The following IRS2 variants were observed in gnomAD, a reference collection of about 807,000 sequenced individuals.
IRS2 encodes the protein insulin receptor substrate 2.
A neutral mutation model predicts 70.9 loss-of-function variants in IRS2; 28 were observed. That is an observed-to-expected ratio of 0.39 (90% CI 0.29 to 0.54). The LOEUF is 0.54. IRS2 is among the 20% of genes least tolerant of loss of function. The pLI is 0.59. For synonymous variants in IRS2, 1,217 were observed against 981.9 expected (o/e 1.24, Z -4.48); for missense variants, 2,081 against 2,024.1 (o/e 1.03, Z -0.54).
chr13:109,783,929 C>G lies in IRS2; in HGVS notation c.2125G>C (p.Gly709Arg), dbSNP rs764963322. The change falls in exon 1 of 2, where the codon GGG becomes CGG. Residue 709 changes from glycine to arginine, a missense_variant. By Grantham distance (125) the Gly-to-Arg change is moderately radical. This residue lies in a region of IRS2 where 1,615 missense variants were observed against 1,459.5 expected (regional missense o/e 1.11). Coordinates refer to ENST00000375856, the MANE Select transcript of IRS2 (RefSeq NM_003749.3). ...CCCGCCGCAGAGGTGGGTGCTGGCCCCGCAGGCCCCGCAGAAGGCACGGCG... is the reference window on the plus strand; with the variant it reads ...CCCGCCGCAGAGGTGGGTGCTGGCCGCGCAGGCCCCGCAGAAGGCACGGCG... ...AAAVPSAGPA[G>R]PAPTSAAGRT... 1.3e-6 allele frequency: 2 copies of G among 1,539,458 alleles called. No individual in the cohort carries two copies. Among genetic ancestry groups the G allele is most frequent in the South Asian group, 2.4e-5 (2 of 83,800 alleles).
At chr13:109,772,401 C>T (rs1277921565) in intron 1 of IRS2, among the ~76,000 whole-genome samples, 2 of 152,212 alleles carry the variant, frequency 1.3e-5, no homozygotes, top group African/African-American at 4.8e-5. Flanking sequence ...TTGGTGGGTG[C>T]TCAACAAACC....
At chr13:109,774,628 G>C (rs944794668) in intron 1 of IRS2, among the ~76,000 whole-genome samples, 1 of 152,100 alleles carries the variant, frequency 6.6e-6, no homozygotes, top group African/African-American at 2.4e-5. Flanking sequence ...GGGATACCAA[G>C]ATGTTATGAG....
At chr13:109,763,076 G>C (rs571651032) in intron 1 of IRS2, among the ~76,000 whole-genome samples, 135 of 152,314 alleles carry the variant, frequency 8.9e-4, no homozygotes, top group Non-Finnish European at 1.5e-3. Flanking sequence ...CTGTGACAGA[G>C]ACTGCATGGC....
rs2138936074 is a variant in IRS2 at position 109,784,519 on chromosome 13, G to C, written c.1535C>G (p.Ala512Gly). Residue 512 changes from alanine (A) to glycine (G), a missense_variant, in exon 1 of 2, where the codon GCC becomes GGC. Physicochemically the swap from Ala to Gly is moderately conservative, Grantham distance 60. Transcript: ENST00000375856. This position sits in a 1 kb window ranked among gnomAD's most constrained non-coding sequence, Gnocchi z 5.2. ...EYGSSPGDLR[A>G]FCSHRSNTPE... ...CGTGTTGCTTCGGTGGCTGCAGAAG[G>C]CGCGCAGGTCGCCTGGGCTGGAGCC... 1 of 1,537,092 alleles carries C rather than the reference G, an allele frequency of 6.5e-7. No homozygotes were observed. Among genetic ancestry groups the C allele is most frequent in the Non-Finnish European group, 8.7e-7 (1 of 1,144,006 alleles).
intron 1 of IRS2, among the ~76,000 whole-genome samples, chr13:109,770,362 C>T (rs904635347): frequency 1.3e-5 from 2 of 152,186 alleles, no homozygotes; most frequent in African/African-American, 4.8e-5. Flanking sequence ...AATGAAGTAC[C>T]AGGAGAGCTT....
intron 1 of IRS2, among the ~76,000 whole-genome samples, chr13:109,781,702 GCC>G (rs1428166907): frequency 6.6e-6 from 1 of 152,264 alleles, no homozygotes; most frequent in African/African-American, 2.4e-5. Context: ...ACAGTCGGGT[GCC>G]CCGCGGCCTC....
rs1295086881 is a variant in IRS2, at chr13:109,782,289, G to T, written c.3765C>A (p.Ala1255=). ...GCCCGGGCTCCTCCCTCACGTCGAT[G>T]GCGATGTAGTTGAGACCATTCTGGA... ...AGFQNGLNYI[A]IDVREEPGLP... The change falls in exon 1 of 2, where the codon GCC becomes GCA. Residue 1255 remains alanine (A), a synonymous_variant. Coordinates refer to ENST00000375856, the MANE Select transcript of IRS2 (RefSeq NM_003749.3). The T allele has an allele frequency of 6.2e-7, 1 of 1,611,440 alleles. No individual in the cohort carries two copies. Among genetic ancestry groups the T allele is most frequent in the East Asian group, 2.2e-5 (1 of 44,812 alleles).
Position 109,784,144 on chromosome 13 carries a change from A to T in IRS2, c.1910T>A (p.Ile637Asn). The T allele has an allele frequency of 6.3e-7, 1 of 1,592,762 alleles. No individual in the cohort carries two copies. The highest frequency in any genetic ancestry group is 1.3e-5 in the African/African-American group (1 of 74,814). The part of the protein sequence containing the change: ...PYPEDYGDIE[I>N]GSHRSSSSNL... The stretch of plus-strand genomic sequence containing the variant: ...GCTGCTGGAGCTCCTGTGGGAGCCG[A>T]TCTCGATGTCTCCGTAGTCCTCTGG... Residue 637 changes from isoleucine to asparagine, a missense_variant, in exon 1 of 2, where the codon ATC (isoleucine) becomes AAC (asparagine). By Grantham distance (149) the Ile-to-Asn change is moderately radical. Around this residue, in one of 4 missense-constraint regions of IRS2, gnomAD observed 1,615 missense variants for 1,459.5 expected, o/e 1.11. Transcript: ENST00000375856. The surrounding 1 kb of genome is among the most constrained non-coding windows in gnomAD (Gnocchi z 5.2).
intron 1 of IRS2, among the ~76,000 whole-genome samples, chr13:109,769,247 G>A (rs1304651899): frequency 6.6e-6 from 1 of 152,186 alleles, no homozygotes; most frequent in Non-Finnish European, 1.5e-5. Context: ...GGAATTGATG[G>A]CTACAGTATG....
intron 1 of IRS2, among the ~76,000 whole-genome samples, chr13:109,767,615 C>T (rs949855191): frequency 2.6e-5 from 4 of 151,714 alleles, no homozygotes; most frequent in African/African-American, 9.7e-5. Flanking sequence ...CAAGCAGATG[C>T]GTACAGAATA....
chr13:109,770,786 T>C (rs533365333), intron 1 of IRS2, among the ~76,000 whole-genome samples: 5 of 152,188 alleles, frequency 3.3e-5, no homozygotes, highest in Non-Finnish European at 7.3e-5. Context: ...GGACATCTAC[T>C]CTTGTGCTGA....
chr13:109,767,410 G>A (rs1287090521), intron 1 of IRS2, among the ~76,000 whole-genome samples: 1 of 152,148 alleles, frequency 6.6e-6, no homozygotes, highest in Non-Finnish European at 1.5e-5. Context: ...TTGGAAAGGG[G>A]AGAACTGATC....
intron 1 of IRS2, among the ~76,000 whole-genome samples, chr13:109,765,213 CAG>C (rs1388584964): frequency 6.6e-6 from 1 of 152,220 alleles, no homozygotes; most frequent in East Asian, 1.9e-4. Context: ...CCACAAATGA[CAG>C]AGATTTACAT....
rs1877823503 is a variant in IRS2, at chr13:109,783,971, C to G, written c.2083G>C (p.Ala695Pro). 6.6e-7 allele frequency: 1 copy of G among 1,513,654 alleles called. No homozygotes were observed. The highest frequency in any genetic ancestry group is 1.3e-5 in the South Asian group (1 of 79,852). The allele number at this position is 1,513,654 out of a possible 1,614,324, so 93.8% of individuals were successfully genotyped here. Residue 695 changes from alanine to proline, a missense_variant, in exon 1 of 2, where the codon GCC (alanine) becomes CCC (proline). By Grantham distance (27) the Ala-to-Pro change is conservative. Transcript: ENST00000375856. ...APKQILQPRA[A>P]AAAAAAVPSA... ...GGCACGGCGGCGGCGGCGGCGGCGG[C>G]GGCCCTGGGCTGCAAGATCTGCTTG...
Position 109,784,452 on chromosome 13 carries a change from G to A in IRS2, c.1602C>T (p.Gly534=), listed in dbSNP as rs367717168. ...IAETPPARDG[G]GGGEFYGYMT... ...TGTACCCGTAGAACTCACCGCCGCC[G>A]CCGCCGTCTCGGGCCGGGGGCGTCT... The change falls in exon 1 of 2, where the codon GGC becomes GGT. Residue 534 remains glycine, a synonymous_variant. Transcript: ENST00000375856. The surrounding 1 kb of genome is among the most constrained non-coding windows in gnomAD (Gnocchi z 5.2). 163 of 1,584,018 alleles carry A rather than the reference G, an allele frequency of 1.0e-4. No homozygotes were observed. In the African/African-American group the frequency reaches 1.8e-3, roughly 17 times the overall value.
chr13:109,763,101 CTT>C lies in IRS2; in HGVS notation c.4013-6795_4013-6794del, dbSNP rs772345171. 2.2e-4 allele frequency among the ~76,000 whole-genome samples: 33 copies of C among 152,326 alleles called. 1 individual carries two copies. In the East Asian group the frequency reaches 6.0e-3, roughly 28 times the overall value. On this transcript the variant is annotated intron_variant, in intron 1 of 1. Coordinates refer to ENST00000375856, the MANE Select transcript of IRS2 (RefSeq NM_003749.3). ...GACTGCATGGCAATGAACCTAAACTCTTTACTACCTGACCTTTCACAGAATGT... is the reference window on the plus strand; with the variant it reads ...GACTGCATGGCAATGAACCTAAACTCTACTACCTGACCTTTCACAGAATGT...
At chr13:109,778,086 C>T (rs1296093786) in intron 1 of IRS2, among the ~76,000 whole-genome samples, 3 of 152,180 alleles carry the variant, frequency 2.0e-5, no homozygotes, top group Non-Finnish European at 4.4e-5. Flanking sequence ...CAATAAGTAT[C>T]AACAACTGGA....
In IRS2 at chr13:109,755,506, T is replaced by G. The variant is rs1877085919; in HGVS notation, c.*798A>C. The G allele has an allele frequency of 4.7e-6, 1 of 212,086 alleles. No individual in the cohort carries two copies. Among genetic ancestry groups the G allele is most frequent in the Non-Finnish European group, 9.6e-6 (1 of 104,664 alleles). The allele number at this position is 212,086 out of a possible 1,614,324, so 13.1% of individuals were successfully genotyped here. On this transcript the variant is annotated 3_prime_UTR_variant, in exon 2 of 2. Transcript: ENST00000375856. The stretch of plus-strand genomic sequence containing the variant: ...CAAGTCTGTTAAAGGTAAAAAGAGA[T>G]ATTCATCCCCTTCCCAAAGCCCTTC...
rs77676998 is a variant in IRS2 at position 109,755,079 on chromosome 13, A to T, written c.*1225T>A. ...ACACTGGTATTTTCAGAATACTGAA[A>T]ACATAAAACAAGGGTAGTCTTGTCC... On this transcript the variant is annotated 3_prime_UTR_variant, in exon 2 of 2. Coordinates refer to ENST00000375856, the MANE Select transcript of IRS2 (RefSeq NM_003749.3). 508 of 230,860 alleles carry T rather than the reference A, an allele frequency of 2.2e-3. 10 individuals carry two copies. In the East Asian group the frequency reaches 0.031, roughly 14 times the overall value. The allele number at this position is 230,860 out of a possible 1,614,324, so 14.3% of individuals were successfully genotyped here. A position where few individuals can be genotyped will look rare whatever the true frequency, so the allele number is the denominator to read the frequency against.
Sources: allele counts gnomAD v4.1 joint callset (sites outside exome capture counted in the v4.1 genomes callset), GRCh38; gene constraint gnomAD v4.1.1; regional missense constraint gnomAD v4.1.1; non-coding constraint Gnocchi (gnomAD v3.1); transcripts MANE v1.5; gene names NCBI Gene and HGNC (gene_info 2026-07-23, HGNC 2026-07-21).